NXPH1: variants seen among roughly 807,000 people sequenced by gnomAD.
The protein encoded by NXPH1 is neurexophilin 1, also known as neurexophilin-1.
A neutral mutation model predicts 23.7 loss-of-function variants in NXPH1; 5 were observed. That is an observed-to-expected ratio of 0.21 (90% CI 0.11 to 0.44). The LOEUF (loss-of-function observed/expected upper bound fraction) is 0.44, where lower values mean the gene tolerates loss of function less well. Among genes scored for constraint, NXPH1 ranks in the 20% least tolerant of loss-of-function variants. The pLI, the probability that NXPH1 is intolerant of heterozygous loss-of-function variation, is 0.99. For synonymous variants in NXPH1, 144 were observed against 122.2 expected (o/e 1.18, Z -1.18); for missense variants, 324 against 321.6 (o/e 1.01, Z -0.06).
intron 2 of NXPH1, among the ~76,000 whole-genome samples, chr7:8,599,559 A>C (rs187373110): frequency 1.7e-4 from 26 of 152,108 alleles, no homozygotes; most frequent in African/African-American, 6.3e-4. Flanking sequence ...TTAATTTAGG[A>C]TTACCTATTC....
chr7:8,575,328 G>A (rs1818731805), intron 2 of NXPH1, among the ~76,000 whole-genome samples: 1 of 152,024 alleles, frequency 6.6e-6, no homozygotes, highest in South Asian at 2.1e-4. Flanking sequence ...TCTCCTTTAA[G>A]TACAAGCTGA....
At chr7:8,513,128 C>T (rs1485200096) in intron 2 of NXPH1, among the ~76,000 whole-genome samples, 2 of 152,010 alleles carry the variant, frequency 1.3e-5, no homozygotes, top group Non-Finnish European at 2.9e-5. Flanking sequence ...AAGTGCCCAA[C>T]TACCCAAGTA....
chr7:8,699,685 G>A (rs796474156), intron 2 of NXPH1, among the ~76,000 whole-genome samples: 13 of 152,204 alleles, frequency 8.5e-5, no homozygotes, highest in African/African-American at 3.1e-4. Flanking sequence ...TTTTGATGAT[G>A]GGGAAAATAC....
chr7:8,636,297 G>A (rs911179865), intron 2 of NXPH1, among the ~76,000 whole-genome samples: 3 of 152,120 alleles, frequency 2.0e-5, no homozygotes, highest in South Asian at 2.1e-4. Context: ...TCAGGGCACC[G>A]TGGGCATATT....
rs140974052 is a variant in NXPH1 at position 8,636,182 on chromosome 7, C to T, written c.55-114826C>T. Among the ~76,000 whole-genome samples, 4 of 152,188 alleles carry T rather than the reference C, an allele frequency of 2.6e-5. No homozygotes were observed. In the East Asian group the frequency reaches 7.7e-4, roughly 29 times the overall value. On this transcript the variant is annotated intron_variant, in intron 2 of 2. Transcript: ENST00000405863. ...TGCTTACATACTCAGGAGACTCTTT[C>T]ACTCAATAGCCAAACTCCAGCAACA...
At chr7:8,596,071 C>T (rs990500646) in intron 2 of NXPH1, among the ~76,000 whole-genome samples, 12 of 151,998 alleles carry the variant, frequency 7.9e-5, no homozygotes, top group African/African-American at 2.9e-4. Flanking sequence ...TATATATATT[C>T]ACTTAGGCAT....
intron 2 of NXPH1, among the ~76,000 whole-genome samples, chr7:8,582,854 C>T (rs1264424234): frequency 6.6e-6 from 1 of 152,190 alleles, no homozygotes; most frequent in Non-Finnish European, 1.5e-5. Context: ...CCCTTTCCAC[C>T]CAGGAGCCTG....
intron 2 of NXPH1, among the ~76,000 whole-genome samples, chr7:8,490,568 G>T (rs1383174960): frequency 2.0e-5 from 3 of 151,896 alleles, no homozygotes; most frequent in African/African-American, 7.2e-5. Flanking sequence ...ATTTTTTGTG[G>T]TCCTACATTT....
intron 2 of NXPH1, among the ~76,000 whole-genome samples, chr7:8,473,584 G>A (rs182828791): frequency 7.2e-5 from 11 of 151,950 alleles, no homozygotes; most frequent in East Asian, 3.9e-4. Context: ...ACATCTTTTC[G>A]CTCCCACACA....
At chr7:8,656,764 A>G (rs1184496999) in intron 2 of NXPH1, among the ~76,000 whole-genome samples, 7 of 151,574 alleles carry the variant, frequency 4.6e-5, no homozygotes, top group Non-Finnish European at 8.8e-5. Context: ...TCATTGTTCA[A>G]TTCCCACCTA....
intron 2 of NXPH1, among the ~76,000 whole-genome samples, chr7:8,662,437 C>A (rs1179588760): frequency 6.6e-6 from 1 of 151,970 alleles, no homozygotes; most frequent in African/African-American, 2.4e-5. Context: ...GTTACTGGAA[C>A]TTTTTGACCA....
intron 2 of NXPH1, among the ~76,000 whole-genome samples, chr7:8,742,320 A>G (rs1342385042): frequency 6.6e-6 from 1 of 152,156 alleles, no homozygotes; most frequent in Non-Finnish European, 1.5e-5. Flanking sequence ...AAAAGCAATG[A>G]GCAAAGAAAA....
At chr7:8,500,350 C>G (rs775579947) in intron 2 of NXPH1, among the ~76,000 whole-genome samples, 1 of 152,032 alleles carries the variant, frequency 6.6e-6, no homozygotes, top group African/African-American at 2.4e-5. Context: ...GTTTGGTTAT[C>G]TGAGAAAAGG....
At chr7:8,666,267 G>C (rs923675818) in intron 2 of NXPH1, among the ~76,000 whole-genome samples, 10 of 151,842 alleles carry the variant, frequency 6.6e-5, no homozygotes, top group African/African-American at 2.4e-4. Flanking sequence ...TATTATGTTT[G>C]TCAAAGGATT....
At chr7:8,738,856 C>T (rs1281764338) in intron 2 of NXPH1, among the ~76,000 whole-genome samples, 1 of 152,170 alleles carries the variant, frequency 6.6e-6, no homozygotes, top group Non-Finnish European at 1.5e-5. Flanking sequence ...ACATTGGCTA[C>T]AGTAGGTTTG....
chr7:8,656,649 C>T (rs1208550724), intron 2 of NXPH1, among the ~76,000 whole-genome samples: 1 of 151,690 alleles, frequency 6.6e-6, no homozygotes, highest in Non-Finnish European at 1.5e-5. Context: ...CCCACTAACT[C>T]GTCATCTAGC....
intron 2 of NXPH1, among the ~76,000 whole-genome samples, chr7:8,580,210 A>G (rs1434976168): frequency 6.6e-6 from 1 of 152,232 alleles, no homozygotes; most frequent in Non-Finnish European, 1.5e-5. Context: ...CAGCATTTAT[A>G]TGCCGAATCA....
At chr7:8,547,308 G>A (rs1014446099) in intron 2 of NXPH1, among the ~76,000 whole-genome samples, 1 of 151,320 alleles carries the variant, frequency 6.6e-6, no homozygotes, top group Admixed American at 6.6e-5. Context: ...TATAGATTAC[G>A]AGAATATGTG....
intron 2 of NXPH1, among the ~76,000 whole-genome samples, chr7:8,542,430 C>T (rs150130073): frequency 1.8e-3 from 273 of 151,512 alleles, no homozygotes; most frequent in African/African-American, 6.3e-3. Context: ...CAAAAAAAAT[C>T]GTAAACTATA....
Sources: gnomAD v4.1 joint callset for allele counts (sites outside exome capture counted in the v4.1 genomes callset) on GRCh38, gnomAD v4.1.1 for gene constraint, MANE v1.5 for transcripts, NCBI Gene and HGNC (gene_info 2026-07-23, HGNC 2026-07-21) for gene names.